FOXP2: variants seen among roughly 807,000 people sequenced by gnomAD.
FOXP2 encodes the protein forkhead box P2.
FOXP2 carries 12 observed loss-of-function variants against 115.8 expected under a neutral mutation model. The ratio of observed to expected loss-of-function variants is 0.10; its 90% CI spans 0.07 to 0.17. FOXP2 has a LOEUF of 0.17. Ranked by LOEUF, FOXP2 falls within the 10% of genes least tolerant of loss-of-function variation. The probability of loss-of-function intolerance (pLI) is 1.00; values close to 1 mark genes in which losing one functional copy is unlikely to be tolerated. For missense variants in FOXP2, 629 were observed against 843.5 expected, an observed-to-expected ratio of 0.75 and a Z score of 3.15; for synonymous variants, 328 against 297.7, an observed-to-expected ratio of 1.10 and a Z score of -1.05.
At position 114,415,199 on chromosome 7, in the gene FOXP2, G is replaced by T. The variant is rs1189372998; in HGVS notation, c.-172G>T. On this transcript the variant is annotated 5_prime_UTR_variant, in exon 1 of 17. Transcript: ENST00000350908. ...AGTAGTGTAAATACTGCTGTAAATA[G>T]TTGTCTGATGGTGGCTTTGACAGTG... is the stretch of plus-strand genomic sequence containing the variant. 3 of 454,148 alleles carry T rather than the reference G, an allele frequency of 6.6e-6. No individual in the cohort carries two copies. The highest frequency in any genetic ancestry group is 1.4e-4 in the East Asian group (2 of 14,348). The allele number at this position is 454,148 out of a possible 1,614,324, so 28.1% of individuals were successfully genotyped here. A position where few individuals can be genotyped will look rare whatever the true frequency, so the allele number is the denominator to read the frequency against.
At chr7:114,652,858 ATGCG>A (rs1806352935) in intron 9 of FOXP2, among the ~76,000 whole-genome samples, 1 of 152,178 alleles carries the variant, frequency 6.6e-6, no homozygotes, top group East Asian at 1.9e-4. Context: ...GTTGTATCAA[ATGCG>A]ACTGTTTTAA....
At chr7:114,294,827 G>T (rs116445281) in intron 2 of FOXP2, among the ~76,000 whole-genome samples, 1 of 150,052 alleles carries the variant, frequency 6.7e-6, no homozygotes, top group African/African-American at 2.4e-5. Flanking sequence ...GGCAACAGAA[G>T]GAGACACTGC....
intron 16 of FOXP2, among the ~76,000 whole-genome samples, chr7:114,674,619 A>G (rs1450603590): frequency 2.0e-5 from 3 of 152,220 alleles, no homozygotes; most frequent in Non-Finnish European, 2.9e-5. Flanking sequence ...AGAAATGGGA[A>G]TAAAGAACTA....
At chr7:114,597,452 C>T (rs1802790381) in intron 3 of FOXP2, among the ~76,000 whole-genome samples, 1 of 152,108 alleles carries the variant, frequency 6.6e-6, no homozygotes, top group Non-Finnish European at 1.5e-5. Context: ...GAAACCTCTA[C>T]TTCTTTGCCA....
chr7:114,572,658 G>A (rs1801375391), intron 3 of FOXP2, among the ~76,000 whole-genome samples: 1 of 151,734 alleles, frequency 6.6e-6, no homozygotes, highest in Admixed American at 6.6e-5. Context: ...AATCCCAATG[G>A]AAAAATTGTT....
At chr7:114,133,183 C>T (rs964015200) in intron 1 of FOXP2, among the ~76,000 whole-genome samples, 4 of 152,058 alleles carry the variant, frequency 2.6e-5, no homozygotes, top group African/African-American at 7.2e-5. Flanking sequence ...TGAGACAAAA[C>T]GAGGAGGTAA....
intron 2 of FOXP2, among the ~76,000 whole-genome samples, chr7:114,456,320 G>T (rs1286849853): frequency 6.6e-6 from 1 of 152,164 alleles, no homozygotes; most frequent in Non-Finnish European, 1.5e-5. Context: ...CAAATCTGCA[G>T]TTTTTAAAAC....
chr7:114,273,535 T>C (rs1414391329), intron 1 of FOXP2, among the ~76,000 whole-genome samples: 1 of 152,086 alleles, frequency 6.6e-6, no homozygotes, highest in East Asian at 1.9e-4. Flanking sequence ...CCATTTTTGA[T>C]AGAGGAGTGT....
intron 2 of FOXP2, among the ~76,000 whole-genome samples, chr7:114,382,762 CT>C (rs1388862158): frequency 1.3e-5 from 2 of 152,128 alleles, no homozygotes; most frequent in Admixed American, 6.5e-5. Context: ...TAAACTTATC[CT>C]TTAAGTTAGT....
At chr7:114,399,773 C>T (rs981609362) in intron 2 of FOXP2, among the ~76,000 whole-genome samples, 1 of 148,244 alleles carries the variant, frequency 6.7e-6, no homozygotes, top group Admixed American at 6.7e-5. Flanking sequence ...GGTATTGGGA[C>T]AAAAAACAGA....
chr7:114,613,035 T>G (rs1803717424), intron 3 of FOXP2, among the ~76,000 whole-genome samples: 1 of 152,198 alleles, frequency 6.6e-6, no homozygotes, highest in Admixed American at 6.5e-5. Flanking sequence ...TATAATAACT[T>G]AAATCTGGTG....
At chr7:114,133,621 A>T (rs920210940) in intron 1 of FOXP2, among the ~76,000 whole-genome samples, 1 of 152,156 alleles carries the variant, frequency 6.6e-6, no homozygotes, top group Non-Finnish European at 1.5e-5. Flanking sequence ...TCCCCTATGT[A>T]GAGGTGTTGG....
At chr7:114,324,938 A>G (rs1044235186) in intron 2 of FOXP2, among the ~76,000 whole-genome samples, 2 of 151,802 alleles carry the variant, frequency 1.3e-5, no homozygotes, top group African/African-American at 4.8e-5. Flanking sequence ...AGGTGTATGT[A>G]TTAATATTTA....
At chr7:114,546,808 A>G (rs74382451) in intron 3 of FOXP2, among the ~76,000 whole-genome samples, 1,903 of 152,348 alleles carry the variant, frequency 0.012, 18 homozygotes, top group Non-Finnish European at 0.02. Flanking sequence ...CTCTAGCTCA[A>G]TCGCAGACTC....
intron 1 of FOXP2, among the ~76,000 whole-genome samples, chr7:114,251,713 T>C (rs1005296400): frequency 3.0e-4 from 46 of 152,346 alleles, no homozygotes; most frequent in African/African-American, 1.1e-3. Flanking sequence ...GTTTTCTAAA[T>C]ATACAATCAT....
chr7:114,292,009 G>GAATAT (rs1307103682), intron 2 of FOXP2, among the ~76,000 whole-genome samples: 3 of 124,820 alleles, frequency 2.4e-5, no homozygotes, highest in Non-Finnish European at 3.4e-5. Flanking sequence ...ATAATATATA[G>GAATAT]ATATAACATT....
chr7:114,642,814 T>TA (rs1563054674), intron 7 of FOXP2, among the ~76,000 whole-genome samples, 191 bp downstream of exon 7: 21 of 107,114 alleles, frequency 2.0e-4, no homozygotes, highest in African/African-American at 9.9e-4. Context: ...ATATATATAT[T>TA]TTTTTTTTTT....
intron 2 of FOXP2, among the ~76,000 whole-genome samples, chr7:114,315,503 T>C (rs118046903): frequency 5.4e-4 from 82 of 152,250 alleles, no homozygotes; most frequent in Non-Finnish European, 1.0e-3. Context: ...GCATGAAGTA[T>C]TATATTTTGG....
rs568036892 is a variant in FOXP2, at chr7:114,237,660, G to T, written c.-101-50359G>T. ...TCTTTCCTTGCTTTTTTTTTTGTTT[G>T]TTTTTTAAAAAAATTATTGTATTCT... On this transcript the variant is annotated intron_variant, in intron 1 of 17. Coordinates refer to the FOXP2 transcript ENST00000634411. 1.3e-3 allele frequency among the ~76,000 whole-genome samples: 197 copies of T among 148,956 alleles called. 1 individual carries two copies. The highest frequency in any genetic ancestry group is 4.2e-3 in the African/African-American group (172 of 40,530).
Sources: gnomAD v4.1 joint callset for allele counts (sites outside exome capture counted in the v4.1 genomes callset) on GRCh38, gnomAD v4.1.1 for gene constraint, MANE v1.5 for transcripts, NCBI Gene and HGNC (gene_info 2026-07-23, HGNC 2026-07-21) for gene names.